ADAMTS17: variants seen among roughly 807,000 people sequenced by gnomAD.
The protein encoded by ADAMTS17 is A disintegrin and metalloproteinase with thrombospondin motifs 17.
ADAMTS17 carries 113 observed loss-of-function variants against 141.5 expected under a neutral mutation model. The ratio of observed to expected loss-of-function variants is 0.80; its 90% CI spans 0.69 to 0.93. ADAMTS17 has a LOEUF of 0.93. Among genes scored for constraint, ADAMTS17 ranks in the 40% least tolerant of loss-of-function variants. ADAMTS17 has a pLI of 0.00. For missense variants in ADAMTS17, 1,659 were observed against 1,517.9 expected (o/e 1.09, Z -1.54); for synonymous variants, 768 against 630.6 (o/e 1.22, Z -3.27).
chr15:100,207,603 G>C (rs2041626355), intron 7 of ADAMTS17, among the ~76,000 whole-genome samples: 1 of 152,224 alleles, frequency 6.6e-6, no homozygotes, highest in South Asian at 2.1e-4. Flanking sequence ...AGTTGTAGGA[G>C]CATCAGGTTG....
At chr15:100,323,084 C>CCAAA (rs2045782698) in intron 3 of ADAMTS17, among the ~76,000 whole-genome samples, 3 of 107,460 alleles carry the variant, frequency 2.8e-5, no homozygotes, top group East Asian at 2.6e-4. Context: ...GACTCCGTCT[C>CCAAA]AAAAAAAAAA....
In ADAMTS17 at chr15:100,341,108, G is replaced by A. The variant is rs1383063905; in HGVS notation, c.381C>T (p.Tyr127=). The part of the protein sequence containing the change: ...RRGRPAELCF[Y]SGRVLGHPGS... The stretch of plus-strand genomic sequence containing the variant: ...CGGGGTGGCCGAGCACACGGCCCGA[G>A]TAGAAGCACAGCTCGGCGGGGCGGC... The change falls in exon 2 of 22, where the codon TAC becomes TAT. Residue 127 remains tyrosine (Y), a synonymous_variant. Coordinates refer to ENST00000268070, the MANE Select transcript of ADAMTS17 (RefSeq NM_139057.4). The A allele has an allele frequency of 2.0e-6, 3 of 1,501,034 alleles. No homozygotes were observed. The highest frequency in any genetic ancestry group is 1.2e-5 in the South Asian group (1 of 81,324). 93.0% of individuals were successfully genotyped at this position (1,501,034 alleles called of 1,614,324 possible).
At chr15:100,175,621 C>G (rs1194261860) in intron 8 of ADAMTS17, among the ~76,000 whole-genome samples, 1 of 152,166 alleles carries the variant, frequency 6.6e-6, no homozygotes, top group East Asian at 1.9e-4. Context: ...ATTTATGTGG[C>G]TTGGTCATCT....
chr15:100,143,820 T>G lies in ADAMTS17; in HGVS notation c.1473+8792A>C, dbSNP rs190759328. Among the ~76,000 whole-genome samples the G allele has an allele frequency of 4.3e-4, 65 of 152,354 alleles. 2 individuals are homozygous for G. Among genetic ancestry groups the G allele is most frequent in the African/African-American group, 1.4e-3 (60 of 41,578 alleles). On this transcript the variant is annotated intron_variant, in intron 10 of 21. Transcript: ENST00000268070. ...GAAGCCTAGACTGCTCCTAAAGCAA[T>G]TGCAGAAATGCTCTTCCAAGGTTAT...
chr15:100,198,162 T>TA (rs1416064049), intron 8 of ADAMTS17, among the ~76,000 whole-genome samples: 4 of 152,104 alleles, frequency 2.6e-5, no homozygotes, highest in African/African-American at 7.2e-5. Context: ...TCCCAGAACT[T>TA]AGAGTAGAAT....
chr15:100,003,290 G>A (rs2060967150), intron 18 of ADAMTS17, among the ~76,000 whole-genome samples: 2 of 152,044 alleles, frequency 1.3e-5, no homozygotes, highest in African/African-American at 2.4e-5. Flanking sequence ...TCAGAAATAC[G>A]GCTCAGCCCA....
At chr15:100,124,667 G>A (rs559475002) in intron 12 of ADAMTS17, among the ~76,000 whole-genome samples, 1 of 152,350 alleles carries the variant, frequency 6.6e-6, no homozygotes, top group African/African-American at 2.4e-5. Context: ...CGACCGTGAT[G>A]AGCAATACTG....
At chr15:100,117,324 G>C (rs1476547261) in intron 12 of ADAMTS17, among the ~76,000 whole-genome samples, 1 of 152,132 alleles carries the variant, frequency 6.6e-6, no homozygotes, top group African/African-American at 2.4e-5. Context: ...TTTGGCCATG[G>C]GTAACACTGA....
rs79442260 is a variant in ADAMTS17 at position 100,313,833 on chromosome 15, T to C, written c.616+17056A>G. 6.9e-3 allele frequency among the ~76,000 whole-genome samples: 473 copies of C among 68,352 alleles called. 13 individuals carry two copies. The highest frequency in any genetic ancestry group is 0.029 in the African/African-American group (407 of 14,220). The allele number at this position is 68,352 out of a possible 152,430, so 44.8% of individuals were successfully genotyped here. A position where few individuals can be genotyped will look rare whatever the true frequency, so the allele number is the denominator to read the frequency against. Reference sequence around the variant, plus strand: ...CATGAAGAAACGTCAGACAAAACCATCCCAAACGTCACCATGAAGAAACGT... The same window carrying C: ...CATGAAGAAACGTCAGACAAAACCACCCCAAACGTCACCATGAAGAAACGT... On this transcript the variant is annotated intron_variant, in intron 3 of 21. Coordinates refer to ENST00000268070, the MANE Select transcript of ADAMTS17 (RefSeq NM_139057.4).
At chr15:99,996,756 G>T (rs563322246) in intron 19 of ADAMTS17, among the ~76,000 whole-genome samples, 1 of 151,918 alleles carries the variant, frequency 6.6e-6, no homozygotes, top group Admixed American at 6.6e-5. Flanking sequence ...AGGGAAGCCT[G>T]CCCTTTATTC....
intron 8 of ADAMTS17, among the ~76,000 whole-genome samples, chr15:100,161,949 A>G (rs901352132): frequency 6.6e-6 from 1 of 152,250 alleles, no homozygotes; most frequent in Non-Finnish European, 1.5e-5. Context: ...TTCAGCAATA[A>G]GGCGAACCCC....
At chr15:100,122,703 A>G (rs1011619326) in intron 12 of ADAMTS17, among the ~76,000 whole-genome samples, 4 of 152,210 alleles carry the variant, frequency 2.6e-5, no homozygotes, top group Non-Finnish European at 4.4e-5. Context: ...AAAGTCAGCT[A>G]GAGAAAAGGT....
intron 3 of ADAMTS17, among the ~76,000 whole-genome samples, chr15:100,325,993 CAAT>C (rs931021171): frequency 1.3e-5 from 2 of 152,116 alleles, no homozygotes; most frequent in African/African-American, 4.8e-5. Flanking sequence ...ACCAACAAAA[CAAT>C]AAATTTCGGT....
intron 7 of ADAMTS17, among the ~76,000 whole-genome samples, chr15:100,203,504 G>C (rs1049294913): frequency 3.9e-5 from 6 of 152,312 alleles, no homozygotes; most frequent in African/African-American, 1.2e-4. Flanking sequence ...AGGAGATCGA[G>C]ACCATCCTGG....
chr15:100,332,937 C>A (rs929268832), intron 2 of ADAMTS17, among the ~76,000 whole-genome samples: 2 of 152,178 alleles, frequency 1.3e-5, no homozygotes, highest in African/African-American at 4.8e-5. Context: ...CCCTGGGAAC[C>A]TGCGTGAGGA....
chr15:100,214,129 C>A (rs1239624923), intron 7 of ADAMTS17, among the ~76,000 whole-genome samples: 1 of 152,110 alleles, frequency 6.6e-6, no homozygotes, highest in East Asian at 1.9e-4. Flanking sequence ...CTGAATGGAA[C>A]CCCGGAGTAG....
chr15:100,082,553 T>C (rs1366607619), intron 15 of ADAMTS17, among the ~76,000 whole-genome samples: 1 of 151,898 alleles, frequency 6.6e-6, no homozygotes, highest in African/African-American at 2.4e-5. Flanking sequence ...GTCTACCTGA[T>C]TTTTTTGTAT....
intron 18 of ADAMTS17, among the ~76,000 whole-genome samples, chr15:100,040,838 C>G (rs1411636796): frequency 6.6e-6 from 1 of 152,176 alleles, no homozygotes; most frequent in Non-Finnish European, 1.5e-5. Flanking sequence ...TCTTGGCAAT[C>G]TAAATTTCTC....
At chr15:100,110,200 TATATCA>T in intron 13 of ADAMTS17, among the ~76,000 whole-genome samples, 1 of 134,626 alleles carries the variant, frequency 7.4e-6, no homozygotes, top group African/African-American at 3.4e-5. Flanking sequence ...CTGATATATA[TATATCA>T]GTATATATAT....
Sources: allele counts gnomAD v4.1 joint callset (sites outside exome capture counted in the v4.1 genomes callset), GRCh38; gene constraint gnomAD v4.1.1; transcripts MANE v1.5; gene names NCBI Gene and HGNC (gene_info 2026-07-23, HGNC 2026-07-21).